TESMIN: variants seen among roughly 807,000 people sequenced by gnomAD.
TESMIN encodes the protein CXC domain containing 2.
A neutral mutation model predicts 47.4 loss-of-function variants in TESMIN; 34 were observed. The ratio of observed to expected loss-of-function variants is 0.72; its 90% CI spans 0.55 to 0.96. The LOEUF is 0.96. Among genes scored for constraint, TESMIN ranks in the 40% least tolerant of loss-of-function variants. The pLI, the probability that TESMIN is intolerant of heterozygous loss-of-function variation, is 0.00. For missense variants in TESMIN, 610 were observed against 637.2 expected (o/e 0.96, Z 0.46); for synonymous variants, 278 against 258.9 (o/e 1.07, Z -0.71).
At chr11:68,722,284 T>A (rs1035667917) in intron 6 of TESMIN, among the ~76,000 whole-genome samples, 1 of 152,318 alleles carries the variant, frequency 6.6e-6, no homozygotes, top group East Asian at 1.9e-4. Context: ...ATGGAGAGTT[T>A]GATGGGTATA....
chr11:68,747,221 T>C lies in TESMIN; in HGVS notation c.617A>G (p.Asp206Gly). ...EDASCCSLKK[D>G]SNPMVICQLK... ...TAGCATAATTACCATTGGGTTGGAA[T>C]CTTTCTTAAGAGAACAGCAGGAGGC... Residue 206 changes from aspartate (D) to glycine (G), a missense_variant, in exon 3 of 10, where the codon GAT becomes GGT. Physicochemically the swap from Asp to Gly is moderately conservative, Grantham distance 94. Transcript: ENST00000255087. The C allele has an allele frequency of 6.2e-7, 1 of 1,614,146 alleles. No homozygotes were observed. Among genetic ancestry groups the C allele is most frequent in the Admixed American group, 1.7e-5 (1 of 60,026 alleles).
chr11:68,743,458 A>AG (rs1946483546), intron 4 of TESMIN, among the ~76,000 whole-genome samples: 1 of 151,910 alleles, frequency 6.6e-6, no homozygotes, highest in South Asian at 2.1e-4. Flanking sequence ...CATGGTACCC[A>AG]GGCTGGTCTT....
intron 6 of TESMIN, chr11:68,737,074 G>C: frequency 2.0e-6 from 2 of 985,368 alleles, no homozygotes; most frequent in Non-Finnish European, 2.4e-6. Context: ...TTACAAGAAA[G>C]ATGAGTATCT....
chr11:68,720,068 C>G (rs928381091), intron 6 of TESMIN, among the ~76,000 whole-genome samples: 2 of 152,192 alleles, frequency 1.3e-5, no homozygotes, highest in African/African-American at 4.8e-5. Flanking sequence ...AGACTTGCAT[C>G]TGACTGCTTG....
chr11:68,707,673 G>A lies in TESMIN; in HGVS notation c.*635C>T. ...GATAATTTTAAGTCCTCTAACTCAA[G>A]ACATGCTGGTGCAAGCCTGGCCTGC... On this transcript the variant is annotated 3_prime_UTR_variant, in exon 10 of 10. Coordinates refer to ENST00000255087, the MANE Select transcript of TESMIN (RefSeq NM_004923.3). The A allele has an allele frequency of 3.0e-6, 1 of 330,432 alleles. No individual in the cohort carries two copies. 20.5% of individuals were successfully genotyped at this position (330,432 alleles called of 1,614,324 possible).
intron 2 of TESMIN, among the ~76,000 whole-genome samples, chr11:68,749,215 C>T (rs970197656): frequency 4.6e-5 from 7 of 152,224 alleles, no homozygotes; most frequent in African/African-American, 1.7e-4. Flanking sequence ...CTCTATGGCT[C>T]CTCTGAGGAC....
At chr11:68,733,140 A>G (rs1388839979) in intron 6 of TESMIN, among the ~76,000 whole-genome samples, 1 of 152,224 alleles carries the variant, frequency 6.6e-6, no homozygotes, top group Non-Finnish European at 1.5e-5. Context: ...AAGCATGGCA[A>G]TGAGGTCTGC....
At chr11:68,714,497 G>A (rs1355791955) in intron 7 of TESMIN, among the ~76,000 whole-genome samples, 5 of 152,220 alleles carry the variant, frequency 3.3e-5, no homozygotes, top group African/African-American at 1.2e-4. Context: ...GACATAGAGG[G>A]CTTTAGGTTT....
chr11:68,734,440 T>C (rs1946363760), intron 6 of TESMIN, among the ~76,000 whole-genome samples: 1 of 152,156 alleles, frequency 6.6e-6, no homozygotes, highest in Non-Finnish European at 1.5e-5. Flanking sequence ...CTCAGAACAT[T>C]TGCAATGGAA....
intron 6 of TESMIN, chr11:68,737,584 C>G (rs922253840): frequency 3.0e-6 from 3 of 985,586 alleles, no homozygotes; most frequent in Non-Finnish European, 3.6e-6. Flanking sequence ...TGCTGTCTCT[C>G]AGGCCCAGGG....
chr11:68,741,147 GC>G (rs1446238674), intron 5 of TESMIN, among the ~76,000 whole-genome samples: 1 of 151,884 alleles, frequency 6.6e-6, no homozygotes, highest in African/African-American at 2.4e-5. Context: ...GCCATAACAG[GC>G]TCACCGTTCT....
At chr11:68,724,028 G>A (rs1487561282) in intron 6 of TESMIN, among the ~76,000 whole-genome samples, 1 of 152,042 alleles carries the variant, frequency 6.6e-6, no homozygotes. Flanking sequence ...TGGGGATGGG[G>A]AAGCCTAACT....
At chr11:68,733,149 G>A (rs183539657) in intron 6 of TESMIN, among the ~76,000 whole-genome samples, 1 of 152,300 alleles carries the variant, frequency 6.6e-6, no homozygotes, top group East Asian at 1.9e-4. Flanking sequence ...AATGAGGTCT[G>A]CCTCCTACTT....
chr11:68,705,321 C>T (rs1424600424), downstream of TESMIN, among the ~76,000 whole-genome samples: 1 of 152,174 alleles, frequency 6.6e-6, no homozygotes, highest in African/African-American at 2.4e-5. Flanking sequence ...TTAACTGACT[C>T]CTTACGATAA....
chr11:68,740,506 A>T (rs538276856), intron 5 of TESMIN, among the ~76,000 whole-genome samples: 1 of 152,288 alleles, frequency 6.6e-6, no homozygotes, highest in South Asian at 2.1e-4. Context: ...GAGCAAGTAC[A>T]ATGTGTGCCT....
intron 4 of TESMIN, 190 bp downstream of exon 4, chr11:68,744,800 CA>C (rs1442870374): frequency 2.5e-6 from 1 of 406,442 alleles, no homozygotes; most frequent in Non-Finnish European, 4.3e-6. Context: ...TTGAGACAGT[CA>C]GTACAGGGTA....
chr11:68,749,896 T>C (rs766804208), intron 2 of TESMIN, among the ~76,000 whole-genome samples: 1 of 152,210 alleles, frequency 6.6e-6, no homozygotes, highest in Admixed American at 6.5e-5. Flanking sequence ...ACCTACGTCC[T>C]AGCTTTCCCC....
At chr11:68,736,137 T>C (rs1946384285) in intron 6 of TESMIN, 1 of 985,258 alleles carries the variant, frequency 1.0e-6, no homozygotes, top group Non-Finnish European at 1.2e-6. Context: ...AAGCGGACTC[T>C]TGAATATTCT....
rs1946399119 is a variant in TESMIN, at chr11:68,737,371, C to T, written c.917+1329G>A. 3 of 985,404 alleles carry T rather than the reference C, an allele frequency of 3.0e-6. No individual in the cohort carries two copies. In the African/African-American group the frequency reaches 5.2e-5, roughly 17 times the overall value. The allele number at this position is 985,404 out of a possible 1,614,324, so 61.0% of individuals were successfully genotyped here. A position where few individuals can be genotyped will look rare whatever the true frequency, so the allele number is the denominator to read the frequency against. ...AAACTGAAGCAGCGGTGCCCAGGAG[C>T]AACCAACGCCCTTCAGCGACCATGA... On this transcript the variant is annotated intron_variant, in intron 6 of 9. Transcript: ENST00000255087.
Sources: allele counts gnomAD v4.1 joint callset (sites outside exome capture counted in the v4.1 genomes callset), GRCh38; gene constraint gnomAD v4.1.1; transcripts MANE v1.5; gene names NCBI Gene and HGNC (gene_info 2026-07-23, HGNC 2026-07-21).